The following LRP1B variants were observed in gnomAD, a reference collection of about 807,000 sequenced individuals.
LRP1B encodes low-density lipoprotein receptor-related protein 1B.
Under a neutral mutation model 556.6 loss-of-function variants are expected in LRP1B, and 217 were observed. The ratio of observed to expected loss-of-function variants is 0.39; its 90% confidence interval spans 0.35 to 0.44. LRP1B has a LOEUF of 0.44. LRP1B is among the 20% of genes least tolerant of loss of function. LRP1B has a pLI of 1.00. For missense variants in LRP1B, 5,053 were observed against 5,620.8 expected (o/e 0.90, Z 3.23); for synonymous variants, 2,047 against 1,865.8 (o/e 1.10, Z -2.50).
chr2:141,685,925 C>T (rs1691280034), intron 2 of LRP1B, among the ~76,000 whole-genome samples: 1 of 151,934 alleles, frequency 6.6e-6, no homozygotes, highest in Non-Finnish European at 1.5e-5. Flanking sequence ...CCAGTTGGAA[C>T]AGCATTGTAA....
intron 2 of LRP1B, among the ~76,000 whole-genome samples, chr2:141,656,856 T>C (rs945480534): frequency 1.3e-5 from 2 of 152,132 alleles, no homozygotes; most frequent in Non-Finnish European, 2.9e-5. Flanking sequence ...AGATCCACTT[T>C]TAGCTACATA....
chr2:141,534,027 G>A (rs931086646), intron 2 of LRP1B, among the ~76,000 whole-genome samples: 12 of 143,228 alleles, frequency 8.4e-5, no homozygotes, highest in African/African-American at 2.5e-4. Flanking sequence ...ATACACACAC[G>A]AGAGAGAAGG....
At chr2:140,326,483 T>C (rs1022022781) in intron 79 of LRP1B, among the ~76,000 whole-genome samples, 6 of 151,548 alleles carry the variant, frequency 4.0e-5, no homozygotes, top group Non-Finnish European at 7.4e-5. Flanking sequence ...CCCACCACTT[T>C]GGGAGCCTGA....
At chr2:140,437,918 T>C (rs1401114) in intron 66 of LRP1B, among the ~76,000 whole-genome samples, 48,459 of 151,892 alleles carry the variant, frequency 0.32, 8,191 homozygotes, top group African/African-American at 0.35. Flanking sequence ...AAAAATAGAA[T>C]ATATTTGTTA....
chr2:140,311,683 A>C (rs557440933), intron 83 of LRP1B, among the ~76,000 whole-genome samples: 5 of 152,036 alleles, frequency 3.3e-5, no homozygotes, highest in Non-Finnish European at 4.4e-5. Flanking sequence ...AAAAAAGCCC[A>C]AAAAAGGCAA....
At chr2:141,699,227 C>T (rs1412592229) in intron 2 of LRP1B, among the ~76,000 whole-genome samples, 1 of 151,772 alleles carries the variant, frequency 6.6e-6, no homozygotes, top group East Asian at 1.9e-4. Context: ...GTCTCTCTTC[C>T]TAGAGACACT....
At position 141,610,622 on chromosome 2, in the gene LRP1B, G is replaced by A. The variant is rs191258168; in HGVS notation, c.206-130089C>T. Among the ~76,000 whole-genome samples, 857 of 152,170 alleles carry A rather than the reference G, an allele frequency of 5.6e-3. 10 individuals carry two copies. The highest frequency in any genetic ancestry group is 0.019 in the African/African-American group (809 of 41,526). ...CTCATTGCATCCTGCGCGTAACCTCGTGGTAACTCTTACTTGATTGTAAAT... is the reference window on the plus strand; with the variant it reads ...CTCATTGCATCCTGCGCGTAACCTCATGGTAACTCTTACTTGATTGTAAAT... On this transcript the variant is annotated intron_variant, in intron 2 of 90. Coordinates refer to ENST00000389484, the MANE Select transcript of LRP1B (RefSeq NM_018557.3).
At chr2:141,207,509 G>T (rs1157880514) in intron 6 of LRP1B, among the ~76,000 whole-genome samples, 2 of 152,106 alleles carry the variant, frequency 1.3e-5, no homozygotes, top group Non-Finnish European at 2.9e-5. Flanking sequence ...TTTCTTTGTT[G>T]CTGTTATTGT....
chr2:140,794,186 G>T (rs1167456124), intron 32 of LRP1B, among the ~76,000 whole-genome samples: 1 of 151,800 alleles, frequency 6.6e-6, no homozygotes, highest in African/African-American at 2.4e-5. Flanking sequence ...TTAAAGATAG[G>T]GCAGTAAATT....
At chr2:141,198,544 C>A (rs1681848402) in intron 6 of LRP1B, among the ~76,000 whole-genome samples, 2 of 152,112 alleles carry the variant, frequency 1.3e-5, no homozygotes, top group Admixed American at 1.3e-4. Flanking sequence ...CATTTGGTGG[C>A]AGGTCAATAT....
At chr2:141,089,860 G>A (rs1384088104) in intron 7 of LRP1B, among the ~76,000 whole-genome samples, 2 of 152,234 alleles carry the variant, frequency 1.3e-5, no homozygotes, top group African/African-American at 4.8e-5. Flanking sequence ...GCAGTTGGAA[G>A]TTGGGTCAAT....
chr2:141,239,245 A>C (rs1428937118), intron 5 of LRP1B, among the ~76,000 whole-genome samples: 1 of 152,126 alleles, frequency 6.6e-6, no homozygotes, highest in Non-Finnish European at 1.5e-5. Context: ...TTGTGTGCTT[A>C]AGACCGATAG....
intron 35 of LRP1B, among the ~76,000 whole-genome samples, chr2:140,725,977 A>G (rs895289163): frequency 6.6e-6 from 1 of 152,176 alleles, no homozygotes. Context: ...TGCTTGAGGA[A>G]TGTTTTAAAA....
chr2:140,784,314 C>T (rs930010934), intron 32 of LRP1B, among the ~76,000 whole-genome samples: 183 of 149,506 alleles, frequency 1.2e-3, no homozygotes, highest in African/African-American at 4.3e-3. Flanking sequence ...AAAGGTTTCC[C>T]TATTGGGGGA....
In LRP1B at chr2:140,501,840, T is replaced by G; in HGVS notation, c.8697A>C (p.Lys2899Asn). The G allele has an allele frequency of 6.2e-7, 1 of 1,608,236 alleles. No homozygotes were observed. Residue 2899 changes from lysine (K) to asparagine (N), a missense_variant, in exon 55 of 91, where the codon AAA becomes AAC. Around this residue, in one of 5 missense-constraint regions of LRP1B, gnomAD observed 3,619 missense variants for 3,931.9 expected, o/e 0.92. Coordinates refer to ENST00000389484, the MANE Select transcript of LRP1B (RefSeq NM_018557.3). Reference sequence around the variant, plus strand: ...CTCCACTGGGAATGCACCTGCCATTTTTGCACATAAAAAATGAACTGTTGC... The same window carrying G: ...CTCCACTGGGAATGCACCTGCCATTGTTGCACATAAAAAATGAACTGTTGC... ...QSCNSSFFMC[K>N]NGRCIPSGGL...
intron 66 of LRP1B, among the ~76,000 whole-genome samples, chr2:140,393,081 C>T (rs1160177055): frequency 6.6e-6 from 1 of 151,982 alleles, no homozygotes; most frequent in African/African-American, 2.4e-5. Flanking sequence ...GCACACACCA[C>T]CAAGCCTGGC....
chr2:141,551,953 C>G (rs1685765585), intron 2 of LRP1B, among the ~76,000 whole-genome samples: 1 of 152,020 alleles, frequency 6.6e-6, no homozygotes, highest in South Asian at 2.1e-4. Flanking sequence ...CCTCTACCCC[C>G]TAAATAGCCT....
At chr2:140,901,064 T>C (rs1447554520) in intron 23 of LRP1B, among the ~76,000 whole-genome samples, 1 of 152,078 alleles carries the variant, frequency 6.6e-6, no homozygotes, top group African/African-American at 2.4e-5. Flanking sequence ...TGTGAGTACA[T>C]AGTAGGGGTT....
At chr2:141,169,111 C>T (rs1362275342) in intron 7 of LRP1B, among the ~76,000 whole-genome samples, 1 of 151,538 alleles carries the variant, frequency 6.6e-6, no homozygotes, top group Non-Finnish European at 1.5e-5. Flanking sequence ...CATGGTGAAA[C>T]CCTGTCTCTA....
Sources: allele counts gnomAD v4.1 joint callset (sites outside exome capture counted in the v4.1 genomes callset), GRCh38; gene constraint gnomAD v4.1.1; regional missense constraint gnomAD v4.1.1; transcripts MANE v1.5; gene names NCBI Gene and HGNC (gene_info 2026-07-23, HGNC 2026-07-21).